Variants in LRBA observed in about 807,000 individuals in gnomAD.
LRBA encodes the protein lipopolysaccharide-responsive and beige-like anchor protein.
Under a neutral mutation model 330.0 loss-of-function variants are expected in LRBA, and 176 were observed. That is an observed-to-expected ratio of 0.53 (90% CI 0.47 to 0.60). LRBA has a LOEUF of 0.60. Ranked by LOEUF, LRBA falls within the 20% of genes least tolerant of loss-of-function variation. The pLI, the probability that LRBA is intolerant of heterozygous loss-of-function variation, is 0.00. For synonymous variants in LRBA, 1,230 were observed against 1,193.0 expected, an observed-to-expected ratio of 1.03 and a Z score of -0.64; for missense variants, 3,259 against 3,444.8, an observed-to-expected ratio of 0.95 and a Z score of 1.35.
At chr4:150,629,379 C>T (rs1777156537) in intron 37 of LRBA, among the ~76,000 whole-genome samples, 4 of 152,242 alleles carry the variant, frequency 2.6e-5, no homozygotes, top group Admixed American at 2.6e-4. Flanking sequence ...TGGCTCATGC[C>T]TGTAATCCCA....
chr4:150,939,381 G>A (rs1369885109), intron 2 of LRBA, among the ~76,000 whole-genome samples: 2 of 152,144 alleles, frequency 1.3e-5, no homozygotes, highest in Admixed American at 1.3e-4. Flanking sequence ...TGAAAATGAA[G>A]ATAGAGATTA....
In LRBA at chr4:150,555,756, A is replaced by AACACACACACACACACACACACACAC. The variant is rs34497958; in HGVS notation, c.6330+32266_6330+32291dup. Among the ~76,000 whole-genome samples the AACACACACACACACACACACACACAC allele has an allele frequency of 2.0e-3, 283 of 144,678 alleles. 1 individual carries two copies. Among genetic ancestry groups the AACACACACACACACACACACACACAC allele is most frequent in the African/African-American group, 7.1e-3 (273 of 38,406 alleles). 94.9% of individuals were successfully genotyped at this position (144,678 alleles called of 152,430 possible). ...ACAGAGTGAGACTCTGTCTTATAAA[A>AACACACACACACACACACACACACAC]ACACACACACACACACACACACACA... On this transcript the variant is annotated intron_variant, in intron 40 of 56. Coordinates refer to ENST00000651943, the MANE Select transcript of LRBA (RefSeq NM_001364905.1).
chr4:150,916,708 G>GC lies in LRBA; in HGVS notation c.675dup (p.Pro226AlafsTer13), dbSNP rs1732633571. 1 of 1,588,468 alleles carries GC rather than the reference G, an allele frequency of 6.3e-7. No homozygotes were observed. On this transcript the variant is annotated frameshift_variant, in exon 6 of 57. Transcript: ENST00000651943. LOFTEE classifies it high-confidence loss of function. The stretch of plus-strand genomic sequence containing the variant: ...TGAAATGTAAAACCATTCTGGTATG[G>GC]CCATTTGGCTATAGGAGGTAATGCA...
At chr4:150,290,966 T>G (rs999598226) in intron 53 of LRBA, among the ~76,000 whole-genome samples, 1 of 152,174 alleles carries the variant, frequency 6.6e-6, no homozygotes, top group Non-Finnish European at 1.5e-5. Context: ...TTATTTATTT[T>G]TTATTATACT....
chr4:150,456,182 T>C (rs140442700), intron 44 of LRBA, among the ~76,000 whole-genome samples: 1 of 152,308 alleles, frequency 6.6e-6, no homozygotes, highest in African/African-American at 2.4e-5. Flanking sequence ...CTTTAGGGTA[T>C]ACACCTAGAA....
intron 2 of LRBA, among the ~76,000 whole-genome samples, chr4:151,010,540 C>A (rs939894780): frequency 2.0e-5 from 3 of 152,082 alleles, no homozygotes; most frequent in Admixed American, 6.6e-5. Flanking sequence ...TAATTTATAA[C>A]AGACTAAGGT....
intron 35 of LRBA, among the ~76,000 whole-genome samples, chr4:150,743,867 C>T (rs1184868613): frequency 6.6e-6 from 1 of 152,178 alleles, no homozygotes; most frequent in Admixed American, 6.5e-5. Context: ...GAAAGGAAAA[C>T]AGAAAATCCT....
At chr4:151,003,882 C>G (rs2149658251) in intron 2 of LRBA, among the ~76,000 whole-genome samples, 1 of 140,478 alleles carries the variant, frequency 7.1e-6, no homozygotes, top group East Asian at 2.2e-4. Flanking sequence ...CTATAGCCAA[C>G]TGCTGTGTGT....
intron 37 of LRBA, among the ~76,000 whole-genome samples, chr4:150,602,283 T>C (rs781569252): frequency 3.3e-5 from 5 of 152,192 alleles, no homozygotes; most frequent in Non-Finnish European, 7.4e-5. Context: ...GGTGCTACAG[T>C]GTACAAAGTT....
chr4:150,400,574 C>G (rs746980617), intron 47 of LRBA, among the ~76,000 whole-genome samples: 8 of 152,138 alleles, frequency 5.3e-5, no homozygotes, highest in Non-Finnish European at 1.2e-4. Context: ...CATTTTGAGG[C>G]CAAGTGCAGT....
intron 40 of LRBA, chr4:150,584,812 A>C (rs892244785): frequency 1.3e-5 from 2 of 155,644 alleles, no homozygotes; most frequent in African/African-American, 4.8e-5. Flanking sequence ...TGATTTGCAA[A>C]ATTTTAAATA....
chr4:150,585,230 A>G (rs1303471544), intron 40 of LRBA, among the ~76,000 whole-genome samples: 3 of 152,176 alleles, frequency 2.0e-5, no homozygotes, highest in Non-Finnish European at 4.4e-5. Context: ...GGTTATAGCA[A>G]TAATCCTCTC....
At chr4:150,844,314 A>T (rs761716533) in intron 27 of LRBA, 107 bp from the exon 28 acceptor site, 9 of 609,728 alleles carry the variant, frequency 1.5e-5, no homozygotes, top group Non-Finnish European at 2.4e-5. Context: ...AAGCAAAGCT[A>T]TAGCATTCCT....
At chr4:150,863,150 T>C (rs1413650562) in intron 22 of LRBA, among the ~76,000 whole-genome samples, 2 of 151,928 alleles carry the variant, frequency 1.3e-5, no homozygotes, top group Non-Finnish European at 2.9e-5. Flanking sequence ...ACTAAAAAAG[T>C]AGCCAGGTGT....
At chr4:150,488,786 G>C (rs1193265066) in intron 41 of LRBA, among the ~76,000 whole-genome samples, 1 of 148,918 alleles carries the variant, frequency 6.7e-6, no homozygotes, top group Non-Finnish European at 1.5e-5. Flanking sequence ...TGTTCCTATA[G>C]TTTTTAAAAC....
intron 41 of LRBA, among the ~76,000 whole-genome samples, chr4:150,489,744 T>A (rs1758665602): frequency 7.4e-6 from 1 of 135,558 alleles, no homozygotes; most frequent in East Asian, 2.0e-4. Context: ...TAATTATACA[T>A]AGGAATATAT....
chr4:150,957,607 T>G (rs1737678633), intron 2 of LRBA, among the ~76,000 whole-genome samples: 1 of 148,672 alleles, frequency 6.7e-6, no homozygotes, highest in Non-Finnish European at 1.5e-5. Context: ...CCCCCCAGTC[T>G]TAACCCATTT....
chr4:150,271,022 G>A (rs1746018767), intron 56 of LRBA, among the ~76,000 whole-genome samples: 1 of 152,188 alleles, frequency 6.6e-6, no homozygotes, highest in African/African-American at 2.4e-5. Context: ...CATCTCGTTG[G>A]GACTGGTTGG....
chr4:150,687,720 A>G (rs2126936600), intron 36 of LRBA, among the ~76,000 whole-genome samples: 1 of 152,286 alleles, frequency 6.6e-6, no homozygotes, highest in South Asian at 2.1e-4. Context: ...ATGTAAATGA[A>G]TAGAGACAAT....
Sources: allele counts gnomAD v4.1 joint callset (sites outside exome capture counted in the v4.1 genomes callset), GRCh38; gene constraint gnomAD v4.1.1; transcripts MANE v1.5; gene names NCBI Gene and HGNC (gene_info 2026-07-23, HGNC 2026-07-21).